Variants in MCC observed in about 807,000 individuals in gnomAD.
The protein encoded by MCC is MCC regulator of Wnt signaling pathway, also known as colorectal mutant cancer protein.
In MCC, 90 loss-of-function variants were observed where a neutral mutation model predicts 116.2. That is an observed-to-expected ratio of 0.77 (90% confidence interval 0.65 to 0.92). The LOEUF (loss-of-function observed/expected upper bound fraction) is 0.92. MCC is among the 40% of genes least tolerant of loss of function. MCC has a pLI of 0.00. For missense variants in MCC, 1,516 were observed against 1,312.2 expected (o/e 1.16, Z -2.40); for synonymous variants, 578 against 510.5 (o/e 1.13, Z -1.78).
rs192591453 is a variant in MCC, at chr5:113,103,686, G to T, written c.1191+506C>A. ...CCCAGGTCACTAAGTTACGTTGAAG[G>T]AATATAAAGATACCAGAGGCCTAGT... On this transcript the variant is annotated intron_variant, in intron 7 of 18. Coordinates refer to ENST00000408903, the MANE Select transcript of MCC (RefSeq NM_001085377.2). Among the ~76,000 whole-genome samples, 3 of 152,232 alleles carry T rather than the reference G, an allele frequency of 2.0e-5. No homozygotes were observed. The East Asian group carries it at 5.8e-4, about 29-fold the overall frequency.
intron 2 of MCC, among the ~76,000 whole-genome samples, chr5:113,369,914 A>C (rs1053309651): frequency 1.3e-5 from 2 of 152,198 alleles, no homozygotes; most frequent in Admixed American, 6.5e-5. Context: ...TCCCTCATTA[A>C]AACTGATTCA....
intron 3 of MCC, among the ~76,000 whole-genome samples, chr5:113,188,247 A>T (rs981609366): frequency 1.3e-5 from 2 of 152,200 alleles, no homozygotes; most frequent in Non-Finnish European, 2.9e-5. Context: ...CACAACCATG[A>T]TTGGATACTG....
intron 1 of MCC, among the ~76,000 whole-genome samples, chr5:113,447,877 T>A (rs1771268321): frequency 6.7e-6 from 1 of 149,550 alleles, no homozygotes; most frequent in Non-Finnish European, 1.5e-5. Flanking sequence ...GAGACAAAGG[T>A]CCAGCTGCCT....
chr5:113,347,877 G>A (rs1239622140), intron 2 of MCC, among the ~76,000 whole-genome samples: 1 of 151,914 alleles, frequency 6.6e-6, no homozygotes, highest in Non-Finnish European at 1.5e-5. Context: ...ACTGAATAAA[G>A]GGATGAAAGA....
intron 1 of MCC, among the ~76,000 whole-genome samples, chr5:113,423,724 A>C (rs1770406185): frequency 6.6e-6 from 1 of 152,124 alleles, no homozygotes; most frequent in South Asian, 2.1e-4. Flanking sequence ...AGGTGTGTGT[A>C]AGAAGCCATT....
chr5:113,182,768 C>T (rs572043414), intron 3 of MCC, among the ~76,000 whole-genome samples: 12 of 152,284 alleles, frequency 7.9e-5, no homozygotes, highest in South Asian at 2.1e-4. Flanking sequence ...TCCGGTGCCT[C>T]GCACAAGGCC....
At chr5:113,309,214 T>A (rs1391024492) in intron 3 of MCC, among the ~76,000 whole-genome samples, 1 of 152,226 alleles carries the variant, frequency 6.6e-6, no homozygotes, top group Non-Finnish European at 1.5e-5. Flanking sequence ...TTCAGTAGCT[T>A]TAGAGGTACA....
rs36081539 is a variant in MCC, at chr5:113,098,098, T to C, written c.1398+3641A>G. On this transcript the variant is annotated intron_variant, in intron 8 of 18. Coordinates refer to ENST00000408903, the MANE Select transcript of MCC (RefSeq NM_001085377.2). ...CTTATGTGGCCGATTTGTGTTCAAGTCTATGGTTCAGCGGGACACAGTTTC... is the reference window on the plus strand; with the variant it reads ...CTTATGTGGCCGATTTGTGTTCAAGCCTATGGTTCAGCGGGACACAGTTTC... Among the ~76,000 whole-genome samples the C allele has an allele frequency of 2.6e-3, 391 of 152,350 alleles. 2 individuals are homozygous for C. Among genetic ancestry groups the C allele is most frequent in the Non-Finnish European group, 4.5e-3 (303 of 68,034 alleles).
chr5:113,263,567 C>T (rs1322262259), intron 3 of MCC, among the ~76,000 whole-genome samples: 1 of 152,160 alleles, frequency 6.6e-6, no homozygotes, highest in Non-Finnish European at 1.5e-5. Flanking sequence ...TTTTCAGCAA[C>T]ATTTCATTTC....
At chr5:113,285,987 A>T (rs985092395) in intron 3 of MCC, among the ~76,000 whole-genome samples, 3 of 152,240 alleles carry the variant, frequency 2.0e-5, no homozygotes, top group Admixed American at 6.5e-5. Flanking sequence ...AATCCAACAC[A>T]TCTGTCACAG....
At chr5:113,102,877 A>G (rs958911443) in intron 7 of MCC, among the ~76,000 whole-genome samples, 4 of 152,220 alleles carry the variant, frequency 2.6e-5, no homozygotes, top group African/African-American at 9.6e-5. Flanking sequence ...AGCACTTGGG[A>G]GGCCCAGGCG....
At chr5:113,308,478 A>G (rs1376481820) in intron 3 of MCC, among the ~76,000 whole-genome samples, 2 of 152,114 alleles carry the variant, frequency 1.3e-5, no homozygotes, top group African/African-American at 4.8e-5. Flanking sequence ...AGGTTGCCCC[A>G]TCCCCATCTC....
At chr5:113,049,955 C>T (rs1056377762) in intron 15 of MCC, among the ~76,000 whole-genome samples, 8 of 152,168 alleles carry the variant, frequency 5.3e-5, no homozygotes, top group South Asian at 2.1e-4. Flanking sequence ...CAAATGAGAG[C>T]GATGAGTGGA....
intron 3 of MCC, among the ~76,000 whole-genome samples, chr5:113,232,883 A>C (rs1205630102): frequency 6.6e-6 from 1 of 152,312 alleles, no homozygotes; most frequent in African/African-American, 2.4e-5. Flanking sequence ...GGTTCCTTAA[A>C]TTCTGTCTTC....
At chr5:113,249,253 A>G (rs1013249404) in intron 3 of MCC, among the ~76,000 whole-genome samples, 1 of 152,176 alleles carries the variant, frequency 6.6e-6, no homozygotes, top group African/African-American at 2.4e-5. Context: ...TGTTTACTCT[A>G]TAAAAACCAT....
chr5:113,228,826 G>A (rs1010904538), intron 3 of MCC, among the ~76,000 whole-genome samples: 4 of 152,166 alleles, frequency 2.6e-5, no homozygotes, highest in Non-Finnish European at 2.9e-5. Flanking sequence ...TGACACACAC[G>A]CTCATAGCTT....
chr5:113,058,902 C>T lies in MCC; in HGVS notation c.2214-4943G>A, dbSNP rs530446457. Among the ~76,000 whole-genome samples, 3 of 152,324 alleles carry T rather than the reference C, an allele frequency of 2.0e-5. No individual in the cohort carries two copies. The East Asian group carries it at 5.8e-4, about 29-fold the overall frequency. Reference sequence around the variant, plus strand: ...CAGCCCCACAACACCTAACACCAGACTCAGAGATGCCCTGAGCTATTGGCC... The same window carrying T: ...CAGCCCCACAACACCTAACACCAGATTCAGAGATGCCCTGAGCTATTGGCC... On this transcript the variant is annotated intron_variant, in intron 14 of 18. Coordinates refer to ENST00000408903, the MANE Select transcript of MCC (RefSeq NM_001085377.2).
At chr5:113,364,847 C>T (rs941706232) in intron 2 of MCC, among the ~76,000 whole-genome samples, 1 of 152,146 alleles carries the variant, frequency 6.6e-6, no homozygotes, top group Non-Finnish European at 1.5e-5. Context: ...TATCTGAGGC[C>T]CTTTGAGCCA....
In MCC at chr5:113,327,849, TAAC is replaced by T. The variant is rs1180533644; in HGVS notation, c.627+12667_627+12669del. Among the ~76,000 whole-genome samples, 7 of 151,350 alleles carry T rather than the reference TAAC, an allele frequency of 4.6e-5. No homozygotes were observed. In the East Asian group the frequency reaches 1.4e-3, roughly 30 times the overall value. The stretch of plus-strand genomic sequence containing the variant: ...AAGCACAATTACTTTTGCACCAACC[TAAC>T]ATTATTATACCTCAGTGTGGAAAAT... On this transcript the variant is annotated intron_variant, in intron 3 of 18. Transcript: ENST00000408903.
Sources: allele counts gnomAD v4.1 joint callset (sites outside exome capture counted in the v4.1 genomes callset), GRCh38; gene constraint gnomAD v4.1.1; transcripts MANE v1.5; gene names NCBI Gene and HGNC (gene_info 2026-07-23, HGNC 2026-07-21).